MYO3B: variants seen among roughly 807,000 people sequenced by gnomAD.
The protein encoded by MYO3B is myosin-IIIb.
In MYO3B, 156 loss-of-function variants were observed where a neutral mutation model predicts 174.6. The observed-to-expected ratio is 0.89, with a 90% CI of 0.78 to 1.02. The LOEUF is 1.02. MYO3B is among the 50% of genes least tolerant of loss of function. The pLI, the probability that MYO3B is intolerant of heterozygous loss-of-function variation, is 0.00. For synonymous variants in MYO3B, 563 were observed against 569.1 expected (o/e 0.99, Z 0.15); for missense variants, 1,632 against 1,639.4 (o/e 1.00, Z 0.08).
chr2:170,393,229 G>A (rs1336972643), intron 16 of MYO3B, among the ~76,000 whole-genome samples: 1 of 151,686 alleles, frequency 6.6e-6, no homozygotes, highest in African/African-American at 2.4e-5. Context: ...GGTTACAGGT[G>A]TGTGCCACCA....
At chr2:170,563,660 C>T (rs1559119293) in intron 32 of MYO3B, among the ~76,000 whole-genome samples, 1 of 152,100 alleles carries the variant, frequency 6.6e-6, no homozygotes, top group African/African-American at 2.4e-5. Context: ...AACTATTTTC[C>T]TCATATCACC....
rs13411268 is a variant in MYO3B at position 170,221,621 on chromosome 2, T to C, written c.603+4226T>C. On this transcript the variant is annotated intron_variant, in intron 6 of 34. Coordinates refer to ENST00000408978, the MANE Select transcript of MYO3B (RefSeq NM_138995.5). ...TGGCAGAGTAGTATCAACTCAGCAG[T>C]GTAGGAGAAGAGTTCTGTGGGATGC... Among the ~76,000 whole-genome samples the C allele has an allele frequency of 6.0e-3, 907 of 152,328 alleles. 8 individuals carry two copies. Among genetic ancestry groups the C allele is most frequent in the African/African-American group, 0.02 (838 of 41,570 alleles).
At chr2:170,505,847 C>A (rs1443837540) in intron 28 of MYO3B, among the ~76,000 whole-genome samples, 1 of 152,252 alleles carries the variant, frequency 6.6e-6, no homozygotes, top group African/African-American at 2.4e-5. Flanking sequence ...TCTCCCCACA[C>A]ACACGCACAG....
At chr2:170,517,822 G>C (rs1688416748) in intron 29 of MYO3B, among the ~76,000 whole-genome samples, 1 of 151,884 alleles carries the variant, frequency 6.6e-6, no homozygotes. Flanking sequence ...CCAAGAGGGG[G>C]GAAAACCTGC....
At chr2:170,611,803 T>C (rs1193016464) in intron 32 of MYO3B, among the ~76,000 whole-genome samples, 1 of 152,190 alleles carries the variant, frequency 6.6e-6, no homozygotes. Flanking sequence ...AGAGCTTCAG[T>C]GAGGAGTTTA....
At chr2:170,248,352 G>A (rs541168749) in intron 7 of MYO3B, among the ~76,000 whole-genome samples, 43 of 152,132 alleles carry the variant, frequency 2.8e-4, no homozygotes, top group Non-Finnish European at 5.7e-4. Flanking sequence ...TGGTTCTGAT[G>A]TCTTCAGGCT....
intron 8 of MYO3B, among the ~76,000 whole-genome samples, chr2:170,342,981 G>A (rs575330005): frequency 6.7e-6 from 1 of 149,976 alleles, no homozygotes; most frequent in African/African-American, 2.5e-5. Flanking sequence ...GTTGTCCACT[G>A]TCTCTTTATT....
At chr2:170,420,098 G>A (rs115982641) in intron 22 of MYO3B, among the ~76,000 whole-genome samples, 1,927 of 152,200 alleles carry the variant, frequency 0.013, 56 homozygotes, top group African/African-American at 0.044. Context: ...TAGGAGAATT[G>A]TTTGAACAGG....
chr2:170,595,373 C>A (rs1279613738), intron 32 of MYO3B, among the ~76,000 whole-genome samples: 1 of 151,252 alleles, frequency 6.6e-6, no homozygotes, highest in Non-Finnish European at 1.5e-5. Context: ...CCATTATTAG[C>A]CTCATGTCTG....
chr2:170,522,041 C>T (rs1029496431), intron 30 of MYO3B, among the ~76,000 whole-genome samples: 3 of 152,166 alleles, frequency 2.0e-5, no homozygotes, highest in Non-Finnish European at 2.9e-5. Context: ...GAGGTATTCT[C>T]AGTCTTTGTT....
intron 8 of MYO3B, 115 bp downstream of exon 8, chr2:170,335,565 T>C (rs995558778): frequency 2.1e-5 from 16 of 774,060 alleles, no homozygotes; most frequent in Non-Finnish European, 3.4e-5. Flanking sequence ...TGTTAGCACG[T>C]TATGACTCGG....
At chr2:170,588,215 T>C (rs932235578) in intron 32 of MYO3B, among the ~76,000 whole-genome samples, 1 of 151,980 alleles carries the variant, frequency 6.6e-6, no homozygotes, top group Non-Finnish European at 1.5e-5. Context: ...GTGGATCCCT[T>C]CAGGCTAAGA....
chr2:170,322,716 A>AT (rs2093837593), intron 7 of MYO3B, among the ~76,000 whole-genome samples: 1 of 152,150 alleles, frequency 6.6e-6, no homozygotes, highest in South Asian at 2.1e-4. Context: ...CTGGCATTTC[A>AT]TATATCCACC....
chr2:170,381,377 C>T (rs573485737), intron 9 of MYO3B, among the ~76,000 whole-genome samples: 1 of 152,132 alleles, frequency 6.6e-6, no homozygotes, highest in Admixed American at 6.5e-5. Flanking sequence ...ACTAAACATA[C>T]AGAACCTGTA....
intron 32 of MYO3B, chr2:170,602,263 A>C (rs1575229746): frequency 2.5e-6 from 2 of 796,698 alleles, no homozygotes; most frequent in Non-Finnish European, 4.4e-6. Flanking sequence ...GCACACAGTC[A>C]CCCAGTGCCC....
intron 6 of MYO3B, among the ~76,000 whole-genome samples, chr2:170,222,847 T>A (rs973691783): frequency 3.3e-5 from 5 of 152,134 alleles, no homozygotes; most frequent in Admixed American, 3.3e-4. Flanking sequence ...ATCATTCAAG[T>A]TTCCAAGGTA....
intron 28 of MYO3B, among the ~76,000 whole-genome samples, chr2:170,513,140 G>C (rs1482109151): frequency 6.6e-6 from 1 of 152,100 alleles, no homozygotes; most frequent in Non-Finnish European, 1.5e-5. Context: ...GCTTGATCTT[G>C]TCCTTCTCTT....
chr2:170,297,285 A>G (rs1370559321), intron 7 of MYO3B, among the ~76,000 whole-genome samples: 1 of 151,764 alleles, frequency 6.6e-6, no homozygotes, highest in African/African-American at 2.4e-5. Context: ...AAAACAAAAC[A>G]TACCCGCTCC....
chr2:170,274,576 C>G (rs1207859240), intron 7 of MYO3B, among the ~76,000 whole-genome samples: 4 of 152,012 alleles, frequency 2.6e-5, no homozygotes, highest in Non-Finnish European at 4.4e-5. Context: ...TCTGTAGAGT[C>G]AAAACCTGAA....
Sources: allele counts gnomAD v4.1 joint callset (sites outside exome capture counted in the v4.1 genomes callset), GRCh38; gene constraint gnomAD v4.1.1; transcripts MANE v1.5; gene names NCBI Gene and HGNC (gene_info 2026-07-23, HGNC 2026-07-21).